Variants in LAMP3 observed in about 807,000 individuals in gnomAD.
LAMP3 encodes lysosome associated membrane protein 3.
A neutral mutation model predicts 34.8 loss-of-function variants in LAMP3; 26 were observed. The observed-to-expected ratio is 0.75, with a 90% CI of 0.55 to 1.04. The LOEUF (loss-of-function observed/expected upper bound fraction) is 1.04. LAMP3 is among the 50% of genes least tolerant of loss of function. The probability of loss-of-function intolerance (pLI) is 0.00; values close to 1 mark genes in which losing one functional copy is unlikely to be tolerated. For synonymous variants in LAMP3, 180 were observed against 201.9 expected (o/e 0.89, Z 0.92); for missense variants, 495 against 524.0 (o/e 0.94, Z 0.54).
chr3:183,151,513 C>T (rs1006888353), intron 3 of LAMP3, among the ~76,000 whole-genome samples: 18 of 151,002 alleles, frequency 1.2e-4, no homozygotes, highest in Admixed American at 6.6e-5. Context: ...CTGCAACCTC[C>T]ACCTCCCCGG....
At chr3:183,154,659 G>A (rs1203380211) in intron 1 of LAMP3, among the ~76,000 whole-genome samples, 4 of 152,204 alleles carry the variant, frequency 2.6e-5, no homozygotes, top group African/African-American at 2.4e-5. Flanking sequence ...TGTGAGGTGT[G>A]GTACTAATAC....
intron 3 of LAMP3, among the ~76,000 whole-genome samples, chr3:183,144,392 T>A (rs1720378299): frequency 6.6e-6 from 1 of 151,966 alleles, no homozygotes; most frequent in Non-Finnish European, 1.5e-5. Context: ...TGGGGAACAA[T>A]GAATAGAGTT....
chr3:183,154,561 AC>A (rs1336289907), intron 1 of LAMP3, among the ~76,000 whole-genome samples, 170 bp from the exon 2 acceptor site: 2 of 152,078 alleles, frequency 1.3e-5, no homozygotes, highest in Non-Finnish European at 2.9e-5. Flanking sequence ...CAAAGATTCT[AC>A]CCCCAGGACA....
rs751549049 is a variant in LAMP3, at chr3:183,154,354, T to C, written c.87A>G (p.Ala29=). 50 of 1,608,822 alleles carry C rather than the reference T, an allele frequency of 3.1e-5. No individual in the cohort carries two copies. The Middle Eastern group carries it at 1.2e-3, about 37-fold the overall frequency. Residue 29 remains alanine (A), a synonymous_variant, in exon 2 of 6, where the codon GCA becomes GCG. Transcript: ENST00000265598. Reference sequence around the variant, plus strand: ...GAGAATAATCTCTGGTTTCTGGAAATGCTTTTGCTCTCATTTGACTGCCAT... The same window carrying C: ...GAGAATAATCTCTGGTTTCTGGAAACGCTTTTGCTCTCATTTGACTGCCAT... The part of the protein sequence containing the change: ...LHDGSQMRAK[A]FPETRDYSQP...
chr3:183,156,347 G>T (rs1192968360), intron 1 of LAMP3, among the ~76,000 whole-genome samples: 2 of 135,456 alleles, frequency 1.5e-5, no homozygotes, highest in African/African-American at 5.6e-5. Flanking sequence ...GGCAATAAAA[G>T]CAAAACGCTG....
intron 5 of LAMP3, among the ~76,000 whole-genome samples, chr3:183,125,225 C>T (rs1482334215): frequency 6.6e-6 from 1 of 152,124 alleles, no homozygotes; most frequent in Non-Finnish European, 1.5e-5. Context: ...ATGTCTTAGT[C>T]ATTATAGCTA....
rs11543123 is a variant in LAMP3, at chr3:183,162,707, C to A, written c.-52G>T. On this transcript the variant is annotated 5_prime_UTR_variant, in exon 1 of 6. Coordinates refer to ENST00000265598, the MANE Select transcript of LAMP3 (RefSeq NM_014398.4). The stretch of plus-strand genomic sequence containing the variant: ...CGTGCGGCGAAGTCCGGGCAGGCCC[C>A]GAATCGGTGCCAGAGAAACCTACCT... 286,270 of 1,465,898 alleles carry A rather than the reference C, an allele frequency of 0.2. 30,826 individuals are homozygous for A. Among genetic ancestry groups the A allele is most frequent in the Non-Finnish European group, 0.22 (246,207 of 1,112,604 alleles). The allele number at this position is 1,465,898 out of a possible 1,614,324, so 90.8% of individuals were successfully genotyped here.
Position 183,152,519 on chromosome 3 carries a change from T to C in LAMP3, c.760-16A>G, listed in dbSNP as rs1237386799. 4 of 1,597,978 alleles carry C rather than the reference T, an allele frequency of 2.5e-6. No individual in the cohort carries two copies. The African/African-American group carries it at 4.1e-5, about 16-fold the overall frequency. On this transcript the variant is annotated splice_polypyrimidine_tract_variant and intron_variant, in intron 2 of 5. Coordinates refer to ENST00000265598, the MANE Select transcript of LAMP3 (RefSeq NM_014398.4). ...GTGAAAAAACCTAAATCAAGTTAGA[T>C]AGATCAGCTAAATGAGATGTAGAGG...
rs1719871760 is a variant in LAMP3, at chr3:183,130,141, TAC to T, written c.1117+5574_1117+5575del. On this transcript the variant is annotated intron_variant, in intron 5 of 5. Coordinates refer to ENST00000265598, the MANE Select transcript of LAMP3 (RefSeq NM_014398.4). ...TACTAAGACAGTCTTAGCAAACTAA[TAC>T]ACCCTCACTCCTTTTTTTTTTTTTT... Among the ~76,000 whole-genome samples, 5 of 147,256 alleles carry T rather than the reference TAC, an allele frequency of 3.4e-5. No homozygotes were observed. In the South Asian group the frequency reaches 1.1e-3, roughly 32 times the overall value.
rs1720733526 is a variant in LAMP3, at chr3:183,153,791, G to A, written c.650C>T (p.Ala217Val). 1 of 1,586,956 alleles carries A rather than the reference G, an allele frequency of 6.3e-7. No homozygotes were observed. Among genetic ancestry groups the A allele is most frequent in the Non-Finnish European group, 8.6e-7 (1 of 1,166,538 alleles). ...AGTCTTGACTGACGATGGCTGAGGT[G>A]CAAGGGTGGGCCCAGGAACCGTGGA... ...PASTVPGPTL[A>V]PQPSSVKTGI... Residue 217 changes from alanine (A) to valine (V), a missense_variant, in exon 2 of 6, where the codon GCA (alanine) becomes GTA (valine). Ala to Val is a moderately conservative substitution (Grantham distance 64, BLOSUM62 0). Coordinates refer to ENST00000265598, the MANE Select transcript of LAMP3 (RefSeq NM_014398.4).
At chr3:183,147,512 GA>G (rs1720483993) in intron 3 of LAMP3, among the ~76,000 whole-genome samples, 1 of 152,008 alleles carries the variant, frequency 6.6e-6, no homozygotes, top group East Asian at 1.9e-4. Context: ...GATTGAATGG[GA>G]ATTGAAATCT....
At chr3:183,162,273 A>T (rs1721001048) in intron 1 of LAMP3, among the ~76,000 whole-genome samples, 1 of 152,098 alleles carries the variant, frequency 6.6e-6, no homozygotes, top group African/African-American at 2.4e-5. Flanking sequence ...AAGGAAAAGC[A>T]AGACAGGAGC....
intron 3 of LAMP3, among the ~76,000 whole-genome samples, chr3:183,141,947 C>T (rs1044097407): frequency 9.9e-5 from 15 of 152,188 alleles, no homozygotes; most frequent in Admixed American, 2.6e-4. Flanking sequence ...TAGCCTTTAA[C>T]GTCTCTTTCA....
chr3:183,152,638 A>G, intron 2 of LAMP3, 135 bp from the exon 3 acceptor site: 1 of 705,820 alleles, frequency 1.4e-6, no homozygotes, highest in Non-Finnish European at 2.3e-6. Context: ...GTCCCCAGAC[A>G]ACACCTCTCG....
At chr3:183,135,927 G>A in intron 4 of LAMP3, 40 bp from the exon 5 acceptor site, 1 of 1,522,202 alleles carries the variant, frequency 6.6e-7, no homozygotes, top group Non-Finnish European at 9.1e-7. Flanking sequence ...GTCCTGAGAT[G>A]TAACCGCTGA....
intron 4 of LAMP3, among the ~76,000 whole-genome samples, chr3:183,138,623 T>C (rs903543571): frequency 6.6e-6 from 1 of 152,184 alleles, no homozygotes; most frequent in African/African-American, 2.4e-5. Context: ...GTGAATACTG[T>C]AGGAGTTCTC....
intron 3 of LAMP3, among the ~76,000 whole-genome samples, chr3:183,148,867 G>A (rs1720525935): frequency 6.6e-6 from 1 of 152,182 alleles, no homozygotes; most frequent in South Asian, 2.1e-4. Context: ...AAGAAAATCA[G>A]TATATCGAAG....
At chr3:183,126,058 A>G (rs544812440) in intron 5 of LAMP3, among the ~76,000 whole-genome samples, 3 of 152,366 alleles carry the variant, frequency 2.0e-5, no homozygotes, top group East Asian at 3.9e-4. Context: ...AATGTAATGC[A>G]CACACCTGTT....
rs1300295743 is a variant in LAMP3 at position 183,122,276 on chromosome 3, G to T, written c.*1805C>A. ...AATTCAATGTTTTATTAAGACTAAA[G>T]TCAGGACCTTGCCAACTTACTGAGT... On this transcript the variant is annotated 3_prime_UTR_variant, in exon 6 of 6. Coordinates refer to ENST00000265598, the MANE Select transcript of LAMP3 (RefSeq NM_014398.4). 2.0e-5 allele frequency: 3 copies of T among 152,158 alleles called. No homozygotes were observed. The allele number at this position is 152,158 out of a possible 1,614,324, so 9.4% of individuals were successfully genotyped here. A position where few individuals can be genotyped will look rare whatever the true frequency, so the allele number is the denominator to read the frequency against.
Sources: allele counts gnomAD v4.1 joint callset (sites outside exome capture counted in the v4.1 genomes callset), GRCh38; gene constraint gnomAD v4.1.1; transcripts MANE v1.5; gene names NCBI Gene and HGNC (gene_info 2026-07-23, HGNC 2026-07-21).